The following NCOA1 variants were observed in gnomAD, a reference collection of about 807,000 sequenced individuals.
NCOA1 encodes the protein Hin-2 protein.
A neutral mutation model predicts 150.9 loss-of-function variants in NCOA1; 35 were observed. The ratio of observed to expected loss-of-function variants is 0.23; its 90% CI spans 0.18 to 0.31. NCOA1 has a LOEUF of 0.31. NCOA1 is among the 10% of genes least tolerant of loss of function. The pLI is 1.00. For missense variants in NCOA1, 1,491 were observed against 1,749.3 expected (o/e 0.85, Z 2.63); for synonymous variants, 590 against 630.0 (o/e 0.94, Z 0.95).
In NCOA1 at chr2:24,567,124, C is replaced by G. The variant is rs1231835522; in HGVS notation, c.-260+2694C>G. 2.0e-5 allele frequency among the ~76,000 whole-genome samples: 3 copies of G among 152,342 alleles called. No individual in the cohort carries two copies. The East Asian group carries it at 5.8e-4, about 29-fold the overall frequency. ...GCCTCAGCTACAATAAATGGATTAT[C>G]TCCTGAAAGGGGTTAGTGTAATTGA... On this transcript the variant is annotated intron_variant, in intron 2 of 22. Transcript: ENST00000348332.
At chr2:24,710,394 C>T (rs1673688893) in intron 13 of NCOA1, among the ~76,000 whole-genome samples, 1 of 151,984 alleles carries the variant, frequency 6.6e-6, no homozygotes, top group South Asian at 2.1e-4. Context: ...ACCCGGCCTC[C>T]CTATCTATTC....
rs530455532 is a variant in NCOA1 at position 24,508,422 on chromosome 2, AT to A, written c.-396+16823del. The stretch of plus-strand genomic sequence containing the variant: ...TACAAACCAGAACATTCATTAATTT[AT>A]TTGCAATGACAAAAAAAAAGGAATG... On this transcript the variant is annotated intron_variant, in intron 1 of 22. Transcript: ENST00000348332. Among the ~76,000 whole-genome samples the A allele has an allele frequency of 2.8e-4, 43 of 151,998 alleles. No homozygotes were observed. The South Asian group carries it at 8.1e-3, about 29-fold the overall frequency.
At chr2:24,512,809 T>G (rs1663990566) in intron 1 of NCOA1, among the ~76,000 whole-genome samples, 1 of 152,214 alleles carries the variant, frequency 6.6e-6, no homozygotes, top group Non-Finnish European at 1.5e-5. Context: ...TGAAATGTGC[T>G]TTGCACCTAT....
intron 5 of NCOA1, 108 bp downstream of exon 5, chr2:24,658,874 T>TATGAAAGA: frequency 1.1e-6 from 1 of 916,804 alleles, no homozygotes; most frequent in Non-Finnish European, 1.7e-6. Flanking sequence ...TTTCTTTGAG[T>TATGAAAGA]CTTTCATACT....
intron 1 of NCOA1, among the ~76,000 whole-genome samples, chr2:24,546,932 G>A (rs1320150857): frequency 6.6e-6 from 1 of 152,224 alleles, no homozygotes; most frequent in Non-Finnish European, 1.5e-5. Flanking sequence ...GAAGCTACCA[G>A]TCTTCTGGGT....
At chr2:24,660,186 C>G (rs961539273) in intron 5 of NCOA1, among the ~76,000 whole-genome samples, 8 of 152,048 alleles carry the variant, frequency 5.3e-5, no homozygotes, top group African/African-American at 1.4e-4. Flanking sequence ...AATTAATGCT[C>G]TTGTTTTATC....
chr2:24,703,984 C>T (rs1453353179), intron 11 of NCOA1, among the ~76,000 whole-genome samples: 1 of 152,118 alleles, frequency 6.6e-6, no homozygotes, highest in Non-Finnish European at 1.5e-5. Context: ...ACATAATAGT[C>T]TGGCATAGCC....
At chr2:24,569,437 A>T (rs1666644687) in intron 2 of NCOA1, among the ~76,000 whole-genome samples, 1 of 152,086 alleles carries the variant, frequency 6.6e-6, no homozygotes, top group Non-Finnish European at 1.5e-5. Context: ...TCATGATATC[A>T]TGAATTTCAA....
At chr2:24,546,558 C>A (rs1327216462) in intron 1 of NCOA1, among the ~76,000 whole-genome samples, 1 of 152,196 alleles carries the variant, frequency 6.6e-6, no homozygotes, top group Non-Finnish European at 1.5e-5. Context: ...TTTCTTCTTA[C>A]TGAAAAATGA....
At chr2:24,765,991 C>T (rs1665045691) in intron 22 of NCOA1, among the ~76,000 whole-genome samples, 1 of 151,014 alleles carries the variant, frequency 6.6e-6, no homozygotes. Flanking sequence ...ACCTCCTCCT[C>T]CTGGGTTCAA....
chr2:24,566,976 A>G (rs1666538782), intron 2 of NCOA1, among the ~76,000 whole-genome samples: 1 of 152,194 alleles, frequency 6.6e-6, no homozygotes, highest in Non-Finnish European at 1.5e-5. Context: ...TTGCAGCTGC[A>G]CCCAGGAGGG....
At chr2:24,498,054 A>G (rs773543140) in intron 1 of NCOA1, among the ~76,000 whole-genome samples, 21 of 152,224 alleles carry the variant, frequency 1.4e-4, no homozygotes, top group Non-Finnish European at 2.9e-4. Flanking sequence ...ATATCACATC[A>G]TATTTGACCA....
At chr2:24,594,490 C>T (rs956233352) in intron 3 of NCOA1, among the ~76,000 whole-genome samples, 5 of 152,012 alleles carry the variant, frequency 3.3e-5, no homozygotes, top group Admixed American at 3.3e-4. Context: ...CTTGCTGGTT[C>T]CCTGGGGACA....
Position 24,715,553 on chromosome 2 carries a change from A to G in NCOA1, c.2599+4442A>G, listed in dbSNP as rs143733775. On this transcript the variant is annotated intron_variant, in intron 14 of 22. Transcript: ENST00000348332. Reference sequence around the variant, plus strand: ...AACTAAATGAACTTAGCAAAGTCACAATATGTGTACTCAGTATTTTAAAAA... The same window carrying G: ...AACTAAATGAACTTAGCAAAGTCACGATATGTGTACTCAGTATTTTAAAAA... 1.4e-4 allele frequency among the ~76,000 whole-genome samples: 22 copies of G among 152,366 alleles called. No individual in the cohort carries two copies. The East Asian group carries it at 4.2e-3, about 29-fold the overall frequency.
chr2:24,606,974 A>G (rs971384538), intron 3 of NCOA1, among the ~76,000 whole-genome samples: 2 of 152,068 alleles, frequency 1.3e-5, no homozygotes, highest in Non-Finnish European at 2.9e-5. Flanking sequence ...TGCCACCCTC[A>G]CTTCTTGTTC....
chr2:24,650,480 A>C (rs1295618427), intron 4 of NCOA1, among the ~76,000 whole-genome samples: 3 of 152,208 alleles, frequency 2.0e-5, no homozygotes, highest in African/African-American at 7.2e-5. Context: ...GAAAATGAAA[A>C]GAGAAACCAC....
intron 1 of NCOA1, among the ~76,000 whole-genome samples, chr2:24,545,832 G>A (rs577628415): frequency 6.6e-6 from 1 of 152,218 alleles, no homozygotes; most frequent in African/African-American, 2.4e-5. Flanking sequence ...TCGCTCTCTT[G>A]CCCAGGTTGG....
chr2:24,494,403 A>AAT (rs1192708177), intron 1 of NCOA1, among the ~76,000 whole-genome samples: 2 of 152,062 alleles, frequency 1.3e-5, no homozygotes. Flanking sequence ...ACATTGTTTG[A>AAT]ATGTTATGTT....
intron 10 of NCOA1, among the ~76,000 whole-genome samples, chr2:24,694,000 A>T (rs1248358833): frequency 2.0e-5 from 3 of 152,184 alleles, no homozygotes; most frequent in Non-Finnish European, 4.4e-5. Context: ...GGGTCTTGGA[A>T]GGGGGGCAGC....
Sources: gnomAD v4.1 joint callset for allele counts (sites outside exome capture counted in the v4.1 genomes callset) on GRCh38, gnomAD v4.1.1 for gene constraint, MANE v1.5 for transcripts, NCBI Gene and HGNC (gene_info 2026-07-23, HGNC 2026-07-21) for gene names.